Variants in PTPRC observed in about 807,000 individuals in gnomAD.
The protein encoded by PTPRC is receptor-type tyrosine-protein phosphatase C.
Under a neutral mutation model 155.9 loss-of-function variants are expected in PTPRC, and 44 were observed. The observed-to-expected ratio is 0.28, with a 90% CI of 0.22 to 0.36. PTPRC has a LOEUF of 0.36. Ranked by LOEUF, PTPRC falls within the 10% of genes least tolerant of loss-of-function variation. The pLI is 1.00. For synonymous variants in PTPRC, 525 were observed against 533.1 expected (o/e 0.98, Z 0.21); for missense variants, 1,401 against 1,564.6 (o/e 0.90, Z 1.76).
At chr1:198,725,356 G>A (rs1654084986) in intron 15 of PTPRC, among the ~76,000 whole-genome samples, 1 of 152,100 alleles carries the variant, frequency 6.6e-6, no homozygotes, top group Non-Finnish European at 1.5e-5. Context: ...ATGTTCTGTG[G>A]TCCTTAGAAG....
Position 198,732,490 on chromosome 1 carries a change from C to T in PTPRC, c.2076C>T (p.Asn692=), listed in dbSNP as rs757468462. The change falls in exon 20 of 33, where the codon AAC becomes AAT. Residue 692 remains asparagine, a synonymous_variant. Coordinates refer to ENST00000442510, the MANE Select transcript of PTPRC (RefSeq NM_002838.5). ...CTTTTCCTTAAACAGATGATTATAA[C>T]CGTGTTGAACTCTCTGAGATAAACG... ...RYVDILPYDY[N]RVELSEINGD... 8 of 1,610,692 alleles carry T rather than the reference C, an allele frequency of 5.0e-6. No homozygotes were observed. In the Admixed American group the frequency reaches 5.0e-5, roughly 10 times the overall value.
At chr1:198,742,713 C>T (rs896117688) in intron 25 of PTPRC, among the ~76,000 whole-genome samples, 2 of 151,844 alleles carry the variant, frequency 1.3e-5, no homozygotes, top group African/African-American at 2.4e-5. Flanking sequence ...TAGTAATCAA[C>T]AGCTGGTTTT....
chr1:198,732,217 CA>C, intron 18 of PTPRC, 82 bp from the exon 19 acceptor site: 1 of 1,043,378 alleles, frequency 9.6e-7, no homozygotes, highest in South Asian at 1.3e-5. Context: ...CAGGATATCT[CA>C]TTTACTCAAA....
intron 9 of PTPRC, among the ~76,000 whole-genome samples, chr1:198,707,500 A>G (rs1387935734): frequency 6.6e-6 from 1 of 152,204 alleles, no homozygotes; most frequent in African/African-American, 2.4e-5. Context: ...TCTCTTAGCC[A>G]AATGCATTCT....
At chr1:198,747,000 A>G (rs1165610119) in intron 26 of PTPRC, among the ~76,000 whole-genome samples, 1 of 151,840 alleles carries the variant, frequency 6.6e-6, no homozygotes, top group Non-Finnish European at 1.5e-5. Context: ...GTCTATATAC[A>G]CACACGTATC....
In PTPRC at chr1:198,717,326, T is replaced by C. The variant is rs1411012889; in HGVS notation, c.1450+486T>C. Among the ~76,000 whole-genome samples the C allele has an allele frequency of 3.3e-5, 5 of 152,248 alleles. No homozygotes were observed. In the South Asian group the frequency reaches 8.3e-4, roughly 25 times the overall value. On this transcript the variant is annotated intron_variant, in intron 13 of 32. Coordinates refer to ENST00000442510, the MANE Select transcript of PTPRC (RefSeq NM_002838.5). Reference sequence around the variant, plus strand: ...TACTATTCTATTTTATGTCACATTATCCATTTAAGGTTTCCTTTCAATGGC... The same window carrying C: ...TACTATTCTATTTTATGTCACATTACCCATTTAAGGTTTCCTTTCAATGGC...
At chr1:198,733,598 T>C (rs1654493902) in intron 20 of PTPRC, among the ~76,000 whole-genome samples, 1 of 151,796 alleles carries the variant, frequency 6.6e-6, no homozygotes, top group South Asian at 2.1e-4. Context: ...AAGAAGCCAG[T>C]ATAATATTTT....
chr1:198,697,141 A>G (rs934280267), intron 4 of PTPRC, among the ~76,000 whole-genome samples: 4 of 152,166 alleles, frequency 2.6e-5, no homozygotes, highest in Non-Finnish European at 5.9e-5. Flanking sequence ...ATCTCCAAGG[A>G]CAATCAGGAG....
intron 23 of PTPRC, among the ~76,000 whole-genome samples, chr1:198,738,287 T>C (rs912103231): frequency 6.6e-6 from 1 of 151,858 alleles, no homozygotes; most frequent in South Asian, 2.1e-4. Flanking sequence ...GCTGTGGGTG[T>C]GTCATATATG....
At chr1:198,693,567 A>G (rs1666041757) in intron 3 of PTPRC, among the ~76,000 whole-genome samples, 1 of 152,194 alleles carries the variant, frequency 6.6e-6, no homozygotes. Flanking sequence ...AATTGACTCT[A>G]TTATGACAAG....
At chr1:198,650,852 T>G (rs1663208486) in intron 2 of PTPRC, among the ~76,000 whole-genome samples, 1 of 151,672 alleles carries the variant, frequency 6.6e-6, no homozygotes, top group Non-Finnish European at 1.5e-5. Flanking sequence ...AGGTAGCCAG[T>G]GAAAAAAAGT....
chr1:198,737,121 T>A (rs781339537), intron 23 of PTPRC, among the ~76,000 whole-genome samples: 4 of 151,780 alleles, frequency 2.6e-5, no homozygotes, highest in Non-Finnish European at 4.4e-5. Context: ...TGGCAAATAT[T>A]TTCCCTCATT....
intron 2 of PTPRC, among the ~76,000 whole-genome samples, chr1:198,673,893 A>G (rs1466789730): frequency 6.6e-6 from 1 of 152,200 alleles, no homozygotes; most frequent in Non-Finnish European, 1.5e-5. Flanking sequence ...AGTATTAATA[A>G]TGTACTTCTC....
At chr1:198,743,415 A>G (rs1295724286) in intron 25 of PTPRC, among the ~76,000 whole-genome samples, 2 of 151,942 alleles carry the variant, frequency 1.3e-5, no homozygotes, top group African/African-American at 2.4e-5. Flanking sequence ...GAAATTATTT[A>G]CAGTGGAAAA....
chr1:198,658,108 T>G (rs1394174838), intron 2 of PTPRC, among the ~76,000 whole-genome samples: 2 of 152,174 alleles, frequency 1.3e-5, no homozygotes, highest in East Asian at 3.8e-4. Context: ...CCTTCCTTAT[T>G]TGGTTTTTAG....
At chr1:198,692,286 GT>G in intron 2 of PTPRC, 60 bp from the exon 3 acceptor site, 1 of 1,278,710 alleles carries the variant, frequency 7.8e-7, no homozygotes, top group Non-Finnish European at 1.1e-6. Context: ...TCTAATATAT[GT>G]TTACATTAAT....
In PTPRC at chr1:198,742,352, G is replaced by T. The variant is rs1206559098; in HGVS notation, c.2682G>T (p.Leu894=). 1.9e-6 allele frequency: 3 copies of T among 1,611,968 alleles called. No individual in the cohort carries two copies. Among genetic ancestry groups the T allele is most frequent in the Non-Finnish European group, 2.5e-6 (3 of 1,178,692 alleles). Residue 894 remains leucine, a synonymous_variant, in exon 25 of 33, where the codon CTG becomes CTT. Coordinates refer to ENST00000442510, the MANE Select transcript of PTPRC (RefSeq NM_002838.5). The part of the protein sequence containing the change: ...YVVKLRRQRC[L]MVQVEAQYIL... ...TCAAGCTAAGGCGACAGAGATGCCT[G>T]ATGGTTCAAGTAGAGGTATGTTCTA...
Position 198,699,557 on chromosome 1 carries a change from A to G in PTPRC, c.299-7A>G, listed in dbSNP as rs1182590677. The G allele has an allele frequency of 5.0e-6, 8 of 1,614,000 alleles. No homozygotes were observed. Among genetic ancestry groups the G allele is most frequent in the South Asian group, 1.1e-5 (1 of 91,078 alleles). On this transcript the variant is annotated splice_region_variant and splice_polypyrimidine_tract_variant and intron_variant, in intron 4 of 32. Coordinates refer to ENST00000442510, the MANE Select transcript of PTPRC (RefSeq NM_002838.5). ...ACTGATGTAATGATCTCACTTTCCT[A>G]CCTTAGGTGTTTCATCAGTACAGAC...
At chr1:198,661,182 G>C (rs1406521110) in intron 2 of PTPRC, among the ~76,000 whole-genome samples, 2 of 151,816 alleles carry the variant, frequency 1.3e-5, no homozygotes. Context: ...TTAGTCTCTG[G>C]ACTCCTTTTT....
Sources: gnomAD v4.1 joint callset for allele counts (sites outside exome capture counted in the v4.1 genomes callset) on GRCh38, gnomAD v4.1.1 for gene constraint, MANE v1.5 for transcripts, NCBI Gene and HGNC (gene_info 2026-07-23, HGNC 2026-07-21) for gene names.